Variants in CACNA1D observed in about 807,000 individuals in gnomAD.
CACNA1D encodes voltage-dependent L-type calcium channel subunit alpha-1D.
Under a neutral mutation model 257.1 loss-of-function variants are expected in CACNA1D, and 55 were observed. The ratio of observed to expected loss-of-function variants is 0.21; its 90% confidence interval spans 0.17 to 0.27. CACNA1D has a LOEUF of 0.27. CACNA1D is among the 10% of genes least tolerant of loss of function. The pLI is 1.00. For synonymous variants in CACNA1D, 980 were observed against 1,014.9 expected (o/e 0.97, Z 0.65); for missense variants, 1,876 against 2,784.0 (o/e 0.67, Z 7.34).
rs201133858 is a variant in CACNA1D, at chr3:53,730,479, C to T, written c.2259C>T (p.Asp753=). The T allele has an allele frequency of 1.1e-4, 184 of 1,614,046 alleles. No individual in the cohort carries two copies. The highest frequency in any genetic ancestry group is 6.7e-5 in the Admixed American group (4 of 60,030). The change falls in exon 16 of 48, where the codon GAC becomes GAT. Residue 753 remains aspartate (D), a synonymous_variant. Transcript: ENST00000350061. Reference sequence around the variant, plus strand: ...ATGTCTTCTTGGCCATCGCTGTAGACAATTTGGCTGATGCTGAAAGTCTGA... The same window carrying T: ...ATGTCTTCTTGGCCATCGCTGTAGATAATTTGGCTGATGCTGAAAGTCTGA... ...LLNVFLAIAV[D]NLADAESLNT...
chr3:53,526,677 T>C (rs2107403992), intron 3 of CACNA1D, among the ~76,000 whole-genome samples: 1 of 152,336 alleles, frequency 6.6e-6, no homozygotes, highest in Middle Eastern at 3.4e-3. Flanking sequence ...AGGTTTTGTA[T>C]AGAAGAGTGG....
chr3:53,632,530 AT>A (rs565756882), intron 3 of CACNA1D, among the ~76,000 whole-genome samples: 66 of 152,364 alleles, frequency 4.3e-4, no homozygotes, highest in Non-Finnish European at 6.0e-4. Context: ...TTTGCTTTGC[AT>A]TCACAACTTG....
At chr3:53,622,659 A>C (rs1036887858) in intron 3 of CACNA1D, among the ~76,000 whole-genome samples, 1 of 152,174 alleles carries the variant, frequency 6.6e-6, no homozygotes, top group African/African-American at 2.4e-5. Flanking sequence ...CAGGAAAAAC[A>C]ACTAATGTGT....
chr3:53,519,976 A>G (rs1008088922), intron 3 of CACNA1D, among the ~76,000 whole-genome samples: 3 of 152,188 alleles, frequency 2.0e-5, no homozygotes, highest in Non-Finnish European at 2.9e-5. Context: ...GTGTATCACT[A>G]CTTCATTCCT....
At chr3:53,641,228 C>T (rs560524662) in intron 3 of CACNA1D, among the ~76,000 whole-genome samples, 21 of 152,188 alleles carry the variant, frequency 1.4e-4, no homozygotes, top group African/African-American at 5.1e-4. Context: ...CAGAGGTCCT[C>T]GGGGATGCCA....
intron 3 of CACNA1D, among the ~76,000 whole-genome samples, chr3:53,557,494 C>CA (rs200892783): frequency 0.011 from 1,594 of 145,330 alleles, 40 homozygotes; most frequent in African/African-American, 0.037. Flanking sequence ...AACTCTGTCT[C>CA]AAAAAAAAAG....
intron 2 of CACNA1D, among the ~76,000 whole-genome samples, chr3:53,498,190 T>A (rs139400104): frequency 6.6e-6 from 1 of 152,200 alleles, no homozygotes; most frequent in Non-Finnish European, 1.5e-5. Flanking sequence ...TTATGAGTTA[T>A]AGAACAGCCT....
intron 3 of CACNA1D, among the ~76,000 whole-genome samples, chr3:53,626,425 G>A (rs537276381): frequency 4.6e-5 from 7 of 152,296 alleles, no homozygotes; most frequent in Non-Finnish European, 8.8e-5. Context: ...AACAGGTGCC[G>A]TGTGCATTGG....
chr3:53,728,931 G>A lies in CACNA1D; in HGVS notation c.2222-1511G>A, dbSNP rs534774031. On this transcript the variant is annotated intron_variant, in intron 15 of 47. Coordinates refer to ENST00000350061, the MANE Select transcript of CACNA1D (RefSeq NM_001128840.3). ...AATACAGATGATGGATTTTGCTCTG[G>A]AAAGTTGTTACAAGCTTGTAAGATC... Among the ~76,000 whole-genome samples, 3 of 152,322 alleles carry A rather than the reference G, an allele frequency of 2.0e-5. No homozygotes were observed. The East Asian group carries it at 5.8e-4, about 29-fold the overall frequency.
chr3:53,725,370 T>C (rs2094925579), intron 14 of CACNA1D, among the ~76,000 whole-genome samples: 1 of 152,138 alleles, frequency 6.6e-6, no homozygotes, highest in Non-Finnish European at 1.5e-5. Flanking sequence ...AAGCATTGAG[T>C]TCTGTCTGGT....
intron 3 of CACNA1D, among the ~76,000 whole-genome samples, chr3:53,535,322 T>G (rs899020458): frequency 2.0e-5 from 3 of 152,230 alleles, no homozygotes; most frequent in Non-Finnish European, 4.4e-5. Flanking sequence ...CCCAAAGGGA[T>G]GTAGGGAAGC....
At chr3:53,517,648 T>C (rs1360575562) in intron 3 of CACNA1D, among the ~76,000 whole-genome samples, 1 of 152,098 alleles carries the variant, frequency 6.6e-6, no homozygotes, top group African/African-American at 2.4e-5. Context: ...CACACCCAGC[T>C]AATTTTTGTA....
intron 3 of CACNA1D, among the ~76,000 whole-genome samples, chr3:53,565,881 A>G (rs1198549552): frequency 6.6e-6 from 1 of 152,218 alleles, no homozygotes; most frequent in East Asian, 1.9e-4. Flanking sequence ...CACTGGGAAT[A>G]CTTCTGCTCC....
intron 34 of CACNA1D, among the ~76,000 whole-genome samples, chr3:53,775,062 T>A (rs1257570151): frequency 6.6e-6 from 1 of 152,178 alleles, no homozygotes; most frequent in Non-Finnish European, 1.5e-5. Context: ...GTGGGGAACA[T>A]CCTAAGATGT....
chr3:53,638,226 T>C (rs1005299331), intron 3 of CACNA1D, among the ~76,000 whole-genome samples: 1 of 152,202 alleles, frequency 6.6e-6, no homozygotes, highest in African/African-American at 2.4e-5. Context: ...CTGTTCTGTC[T>C]ATAGCAAACC....
chr3:53,658,407 G>A (rs1428559162), intron 4 of CACNA1D, among the ~76,000 whole-genome samples: 1 of 152,212 alleles, frequency 6.6e-6, no homozygotes, highest in Non-Finnish European at 1.5e-5. Context: ...TGGGAACACA[G>A]CCTGCTTCTC....
At chr3:53,586,354 C>T (rs1488819997) in intron 3 of CACNA1D, among the ~76,000 whole-genome samples, 2 of 151,312 alleles carry the variant, frequency 1.3e-5, no homozygotes, top group Non-Finnish European at 2.9e-5. Context: ...CTTCTGGTCT[C>T]AAGGGGCCAT....
intron 3 of CACNA1D, among the ~76,000 whole-genome samples, chr3:53,503,845 C>G (rs541206878): frequency 8.6e-5 from 13 of 151,920 alleles, no homozygotes; most frequent in Admixed American, 2.0e-4. Flanking sequence ...TTCCTTTGAC[C>G]TCTTCATATA....
chr3:53,512,197 G>T, intron 3 of CACNA1D, among the ~76,000 whole-genome samples: 1 of 152,102 alleles, frequency 6.6e-6, no homozygotes, highest in East Asian at 1.9e-4. Flanking sequence ...TCTTTCTAAA[G>T]CTCTTTTCAG....
Sources: gnomAD v4.1 joint callset for allele counts (sites outside exome capture counted in the v4.1 genomes callset) on GRCh38, gnomAD v4.1.1 for gene constraint, MANE v1.5 for transcripts, NCBI Gene and HGNC (gene_info 2026-07-23, HGNC 2026-07-21) for gene names.